SPOCK1: variants seen among roughly 807,000 people sequenced by gnomAD.
The protein encoded by SPOCK1 is SPARC (osteonectin), cwcv and kazal like domains proteoglycan 1.
SPOCK1 carries 23 observed loss-of-function variants against 55.3 expected under a neutral mutation model. The ratio of observed to expected loss-of-function variants is 0.42; its 90% confidence interval spans 0.30 to 0.59. The LOEUF is 0.59. Among genes scored for constraint, SPOCK1 ranks in the 20% least tolerant of loss-of-function variants. The pLI is 0.22. For missense variants in SPOCK1, 499 were observed against 552.5 expected (o/e 0.90, Z 0.97); for synonymous variants, 226 against 221.0 (o/e 1.02, Z -0.20).
At chr5:137,319,415 T>C (rs1580864645) in intron 2 of SPOCK1, among the ~76,000 whole-genome samples, 1 of 152,218 alleles carries the variant, frequency 6.6e-6, no homozygotes, top group Non-Finnish European at 1.5e-5. Flanking sequence ...TCCAATATGC[T>C]TATTGTTCAC....
chr5:137,282,450 TGCAGTCCATCCAGCTGTCTGCAGGC>T (rs1247786717), intron 2 of SPOCK1, among the ~76,000 whole-genome samples: 1 of 152,288 alleles, frequency 6.6e-6, no homozygotes, highest in Non-Finnish European at 1.5e-5. Flanking sequence ...TGACTGCCAC[TGCAGTCCATCCAGCTGTCTGCAGGC>T]GTCCTGCCTA....
intron 2 of SPOCK1, among the ~76,000 whole-genome samples, chr5:137,480,104 C>T (rs1231174960): frequency 1.3e-5 from 2 of 152,060 alleles, no homozygotes; most frequent in African/African-American, 4.8e-5. Flanking sequence ...ACTTTTAAGG[C>T]TAAAAATGAT....
chr5:137,159,531 C>T (rs1048144611), intron 3 of SPOCK1, among the ~76,000 whole-genome samples: 6 of 150,642 alleles, frequency 4.0e-5, no homozygotes, highest in African/African-American at 1.2e-4. Flanking sequence ...CAACATATCA[C>T]TCTTTATGCT....
intron 3 of SPOCK1, among the ~76,000 whole-genome samples, chr5:137,245,646 G>A (rs1462583477): frequency 6.6e-6 from 1 of 152,046 alleles, no homozygotes; most frequent in Admixed American, 6.6e-5. Flanking sequence ...GAGCATTCTG[G>A]AATTGAATCA....
chr5:136,985,303 G>A, intron 8 of SPOCK1, 101 bp from the exon 9 acceptor site: 3 of 1,138,370 alleles, frequency 2.6e-6, no homozygotes, highest in Non-Finnish European at 2.7e-6. Context: ...TGACACACCT[G>A]GGAGTGGAAT....
intron 2 of SPOCK1, among the ~76,000 whole-genome samples, chr5:137,495,054 A>C (rs1010406121): frequency 2.0e-5 from 3 of 152,198 alleles, no homozygotes; most frequent in African/African-American, 7.2e-5. Flanking sequence ...TCTGGCCAAA[A>C]CTTCCCAATT....
intron 3 of SPOCK1, among the ~76,000 whole-genome samples, chr5:137,247,200 G>A (rs1756412284): frequency 6.6e-6 from 1 of 152,166 alleles, no homozygotes; most frequent in African/African-American, 2.4e-5. Context: ...GTGAGGAAAG[G>A]GCAGAGGAGG....
chr5:137,002,725 G>T (rs1561576397), intron 6 of SPOCK1, among the ~76,000 whole-genome samples: 1 of 152,138 alleles, frequency 6.6e-6, no homozygotes, highest in South Asian at 2.1e-4. Flanking sequence ...AATCAGCAAT[G>T]GCAAATGCTC....
In SPOCK1 at chr5:137,025,799, G is replaced by C. The variant is rs111710705; in HGVS notation, c.590-33199C>G. On this transcript the variant is annotated intron_variant, in intron 6 of 10. Transcript: ENST00000394945. ...TTACAGATGAGATAGGTGAGATTCT[G>C]AGAGGTCAGCCAGCAATAAAACCGA... 4.2e-3 allele frequency among the ~76,000 whole-genome samples: 638 copies of C among 152,314 alleles called. 9 individuals are homozygous for C. Among genetic ancestry groups the C allele is most frequent in the African/African-American group, 0.015 (615 of 41,574 alleles).
intron 4 of SPOCK1, among the ~76,000 whole-genome samples, chr5:137,115,739 T>C (rs1392117155): frequency 6.6e-6 from 1 of 152,132 alleles, no homozygotes; most frequent in Non-Finnish European, 1.5e-5. Context: ...CTAGTGGAGA[T>C]AGCACATGAT....
Position 137,001,234 on chromosome 5 carries a change from C to T in SPOCK1, c.590-8634G>A, listed in dbSNP as rs571063407. ...CAGCTCCAGGCTTGCCATGTGGTAG[C>T]ACCAGGCCACACTCAGTAGCTGTCG... is the stretch of plus-strand genomic sequence containing the variant. On this transcript the variant is annotated intron_variant, in intron 6 of 10. Transcript: ENST00000394945. Among the ~76,000 whole-genome samples, 34 of 152,254 alleles carry T rather than the reference C, an allele frequency of 2.2e-4. No homozygotes were observed. The South Asian group carries it at 6.6e-3, about 30-fold the overall frequency.
At chr5:137,364,351 G>C (rs1751012105) in intron 2 of SPOCK1, among the ~76,000 whole-genome samples, 1 of 152,166 alleles carries the variant, frequency 6.6e-6, no homozygotes, top group African/African-American at 2.4e-5. Flanking sequence ...AGGCACCATG[G>C]GGCTTAACAC....
chr5:137,181,381 G>A (rs1754966370), intron 3 of SPOCK1, among the ~76,000 whole-genome samples: 1 of 152,180 alleles, frequency 6.6e-6, no homozygotes, highest in African/African-American at 2.4e-5. Context: ...ATCTGCTTTA[G>A]GGTCCTTCAT....
intron 2 of SPOCK1, among the ~76,000 whole-genome samples, chr5:137,494,557 A>T (rs908762714): frequency 2.0e-5 from 3 of 152,234 alleles, no homozygotes; most frequent in Non-Finnish European, 4.4e-5. Flanking sequence ...GGCACACTCG[A>T]TGCTCCATAA....
rs77678125 is a variant in SPOCK1 at position 137,085,787 on chromosome 5, G to T, written c.475-17958C>A. Among the ~76,000 whole-genome samples the T allele has an allele frequency of 0.016, 2,428 of 152,232 alleles. 135 individuals are homozygous for T. The East Asian group carries it at 0.22, about 14-fold the overall frequency. ...TAAACCTCTAAGGTAAGCATGCTTG[G>T]TTCTTAAACTACTTGCCAGTTTGAT... is the stretch of plus-strand genomic sequence containing the variant. On this transcript the variant is annotated intron_variant, in intron 5 of 10. Transcript: ENST00000394945.
At chr5:137,305,579 T>C (rs1757688106) in intron 2 of SPOCK1, among the ~76,000 whole-genome samples, 2 of 152,220 alleles carry the variant, frequency 1.3e-5, no homozygotes, top group East Asian at 3.9e-4. Flanking sequence ...ACCGACAGGT[T>C]TCGGGATGGC....
Position 137,051,370 on chromosome 5 carries a change from C to T in SPOCK1, c.589+16345G>A, listed in dbSNP as rs1259732421. ...GAGTAAGGGCGCTGCCTGGTGAAAG[C>T]TTTGGGTATTGGCTTACTGTAGAAA... On this transcript the variant is annotated intron_variant, in intron 6 of 10. Transcript: ENST00000394945. Among the ~76,000 whole-genome samples, 3 of 152,292 alleles carry T rather than the reference C, an allele frequency of 2.0e-5. No individual in the cohort carries two copies. In the South Asian group the frequency reaches 6.2e-4, roughly 32 times the overall value.
chr5:137,314,584 C>A (rs1757843942), intron 2 of SPOCK1, among the ~76,000 whole-genome samples: 1 of 152,208 alleles, frequency 6.6e-6, no homozygotes, highest in South Asian at 2.1e-4. Flanking sequence ...AAGCACCCAG[C>A]AGAGTGCCAG....
intron 3 of SPOCK1, among the ~76,000 whole-genome samples, chr5:137,249,005 T>G (rs182790876): frequency 6.6e-6 from 1 of 152,216 alleles, no homozygotes; most frequent in East Asian, 1.9e-4. Flanking sequence ...AACCTTAGTG[T>G]CACCGTGTAT....
Sources: gnomAD v4.1 joint callset for allele counts (sites outside exome capture counted in the v4.1 genomes callset) on GRCh38, gnomAD v4.1.1 for gene constraint, MANE v1.5 for transcripts, NCBI Gene and HGNC (gene_info 2026-07-23, HGNC 2026-07-21) for gene names.